Variants in ADGRG6 observed in about 807,000 individuals in gnomAD.
ADGRG6 encodes adhesion G protein-coupled receptor G6, also known as G-protein coupled receptor 126.
ADGRG6 carries 84 observed loss-of-function variants against 142.4 expected under a neutral mutation model. The observed-to-expected ratio is 0.59, with a 90% CI of 0.49 to 0.71. The LOEUF is 0.71. ADGRG6 is among the 30% of genes least tolerant of loss of function. ADGRG6 has a pLI of 0.00. For missense variants in ADGRG6, 1,367 were observed against 1,466.6 expected (o/e 0.93, Z 1.11); for synonymous variants, 521 against 520.5 (o/e 1.00, Z -0.01).
At chr6:142,323,670 G>A (rs1298841405) in intron 2 of ADGRG6, among the ~76,000 whole-genome samples, 2 of 152,206 alleles carry the variant, frequency 1.3e-5, no homozygotes, top group East Asian at 1.9e-4. Context: ...AGCCTCCTAC[G>A]CAGATGGTAT....
chr6:142,320,604 A>G (rs1582976291), intron 2 of ADGRG6, among the ~76,000 whole-genome samples: 1 of 152,094 alleles, frequency 6.6e-6, no homozygotes, highest in East Asian at 1.9e-4. Context: ...GTTAGTACAC[A>G]TAGTGAAAAC....
At chr6:142,355,525 A>C (rs1297975770) in intron 2 of ADGRG6, among the ~76,000 whole-genome samples, 1 of 152,156 alleles carries the variant, frequency 6.6e-6, no homozygotes, top group Non-Finnish European at 1.5e-5. Context: ...AGAGATTTTG[A>C]ATGATCATTC....
Position 142,427,933 on chromosome 6 carries a change from C to T in ADGRG6, c.3319+7829C>T, listed in dbSNP as rs147890319. Reference sequence around the variant, plus strand: ...ATCACCTCCTACCAGGTTCCTCTCACGGTGTGTGAGAATTGTGGGAGTTAC... The same window carrying T: ...ATCACCTCCTACCAGGTTCCTCTCATGGTGTGTGAGAATTGTGGGAGTTAC... On this transcript the variant is annotated intron_variant, in intron 22 of 24. Transcript: ENST00000367609. 8.1e-3 allele frequency among the ~76,000 whole-genome samples: 1,237 copies of T among 152,298 alleles called. 5 individuals are homozygous for T. Among genetic ancestry groups the T allele is most frequent in the Admixed American group, 0.011 (171 of 15,290 alleles).
In ADGRG6 at chr6:142,417,098, G is replaced by A. The variant is rs1413851563; in HGVS notation, c.2939-175G>A. ...GAGTTGGACATTGAACCCCAAGGAG[G>A]GGATTTTGTTGTTAACCAAGTTGCC... On this transcript the variant is annotated intron_variant, in intron 20 of 24. Transcript: ENST00000367609. 1.7e-5 allele frequency: 11 copies of A among 661,812 alleles called. No homozygotes were observed. The African/African-American group carries it at 1.8e-4, about 11-fold the overall frequency. The allele number at this position is 661,812 out of a possible 1,614,324, so 41.0% of individuals were successfully genotyped here.
At chr6:142,376,450 ATTC>A (rs546323478) in intron 4 of ADGRG6, among the ~76,000 whole-genome samples, 104 of 152,212 alleles carry the variant, frequency 6.8e-4, no homozygotes, top group Non-Finnish European at 1.2e-3. Flanking sequence ...CTTTATTGTT[ATTC>A]TTTTCTGAAA....
intron 6 of ADGRG6, among the ~76,000 whole-genome samples, chr6:142,385,805 C>T (rs747369690): frequency 4.2e-4 from 64 of 152,012 alleles, no homozygotes; most frequent in East Asian, 3.8e-4. Flanking sequence ...TACTTTTTCA[C>T]CTTATGAATA....
chr6:142,317,217 C>T (rs957050433), intron 2 of ADGRG6, among the ~76,000 whole-genome samples: 4 of 152,062 alleles, frequency 2.6e-5, no homozygotes, highest in Non-Finnish European at 5.9e-5. Context: ...TTCCATGTCC[C>T]ACACACATGA....
In ADGRG6 at chr6:142,443,664, A is replaced by G; in HGVS notation, c.*149A>G. The stretch of plus-strand genomic sequence containing the variant: ...TTAAGAAGGCTTTTGTGAAATTCAG[A>G]ATTTTTCTTTTTAATATATTTCTTC... On this transcript the variant is annotated 3_prime_UTR_variant, in exon 25 of 25. Coordinates refer to ENST00000367609, the MANE Select transcript of ADGRG6 (RefSeq NM_198569.3). The G allele has an allele frequency of 1.9e-6, 1 of 538,212 alleles. No individual in the cohort carries two copies. Among genetic ancestry groups the G allele is most frequent in the East Asian group, 3.2e-5 (1 of 31,520 alleles). The allele number at this position is 538,212 out of a possible 1,614,324, so 33.3% of individuals were successfully genotyped here.
At chr6:142,335,458 G>T (rs1779266656) in intron 2 of ADGRG6, among the ~76,000 whole-genome samples, 1 of 152,140 alleles carries the variant, frequency 6.6e-6, no homozygotes, top group African/African-American at 2.4e-5. Context: ...ACAGTTAGAA[G>T]TAGTGAGGAT....
intron 2 of ADGRG6, among the ~76,000 whole-genome samples, chr6:142,337,412 G>A (rs1357861666): frequency 6.6e-6 from 1 of 152,180 alleles, no homozygotes; most frequent in East Asian, 1.9e-4. Context: ...TTTAATGAGT[G>A]CTGCACTGGG....
rs755421685 is a variant in ADGRG6 at position 142,415,756 on chromosome 6, A to G, written c.2670-40A>G. 12 of 1,432,134 alleles carry G rather than the reference A, an allele frequency of 8.4e-6. 1 individual carries two copies. Among genetic ancestry groups the G allele is most frequent in the African/African-American group, 2.8e-5 (2 of 71,320 alleles). 88.7% of individuals were successfully genotyped at this position (1,432,134 alleles called of 1,614,324 possible). On this transcript the variant is annotated intron_variant, in intron 19 of 24. Coordinates refer to ENST00000367609, the MANE Select transcript of ADGRG6 (RefSeq NM_198569.3). ...GCCTGTGCTTAAAAGATTGATATACAGTATTAGTTCTCTCATAGATTCCTT... is the reference window on the plus strand; with the variant it reads ...GCCTGTGCTTAAAAGATTGATATACGGTATTAGTTCTCTCATAGATTCCTT...
At position 142,376,872 on chromosome 6, in the gene ADGRG6, G is replaced by C. The variant is rs562094817; in HGVS notation, c.1070-5079G>C. 1.4e-3 allele frequency among the ~76,000 whole-genome samples: 211 copies of C among 152,262 alleles called. 2 individuals carry two copies. The highest frequency in any genetic ancestry group is 2.6e-3 in the Non-Finnish European group (175 of 68,000). ...TATTTTTCTGTTATTGCAACTTATT[G>C]TGAGGATTTGCTCTTCAGTTATTTG... On this transcript the variant is annotated intron_variant, in intron 4 of 24. Coordinates refer to ENST00000367609, the MANE Select transcript of ADGRG6 (RefSeq NM_198569.3).
At chr6:142,367,420 G>A (rs1780994465) in intron 2 of ADGRG6, 149 bp from the exon 3 acceptor site, 1 of 609,222 alleles carries the variant, frequency 1.6e-6, no homozygotes, top group East Asian at 2.8e-5. Context: ...CTCCTCAAGA[G>A]GGTTTCATTT....
chr6:142,312,823 C>T (rs75867227), intron 2 of ADGRG6, among the ~76,000 whole-genome samples: 1,670 of 152,172 alleles, frequency 0.011, 38 homozygotes, highest in African/African-American at 0.037. Flanking sequence ...TGGTTATGTG[C>T]ATTATTTTAC....
At chr6:142,309,450 C>A in intron 1 of ADGRG6, 94 bp from the exon 2 acceptor site, 1 of 744,058 alleles carries the variant, frequency 1.3e-6, no homozygotes, top group Non-Finnish European at 2.1e-6. Context: ...GGTTTATTTT[C>A]CAGTCCCTAC....
chr6:142,355,044 A>G (rs925509652), intron 2 of ADGRG6, among the ~76,000 whole-genome samples: 2 of 152,210 alleles, frequency 1.3e-5, no homozygotes, highest in African/African-American at 4.8e-5. Flanking sequence ...ATTTACTTTA[A>G]TTCACTATTA....
intron 1 of ADGRG6, among the ~76,000 whole-genome samples, chr6:142,304,876 A>G (rs1777405545): frequency 1.3e-5 from 2 of 152,168 alleles, no homozygotes; most frequent in Admixed American, 1.3e-4. Flanking sequence ...GGGTGGTGCC[A>G]TATAAAGGAT....
intron 6 of ADGRG6, among the ~76,000 whole-genome samples, chr6:142,385,593 T>G (rs972612275): frequency 1.2e-4 from 19 of 152,204 alleles, no homozygotes; most frequent in Admixed American, 2.6e-4. Flanking sequence ...CTACTTGTTA[T>G]AACACAGTTG....
chr6:142,425,251 A>C (rs537980342), intron 22 of ADGRG6, among the ~76,000 whole-genome samples: 3 of 152,286 alleles, frequency 2.0e-5, no homozygotes, highest in African/African-American at 7.2e-5. Flanking sequence ...AGAGCTGCCC[A>C]GTAGGGTCTG....
Sources: gnomAD v4.1 joint callset for allele counts (sites outside exome capture counted in the v4.1 genomes callset) on GRCh38, gnomAD v4.1.1 for gene constraint, MANE v1.5 for transcripts, NCBI Gene and HGNC (gene_info 2026-07-23, HGNC 2026-07-21) for gene names.